The following OPCML variants were observed in gnomAD, a reference collection of about 807,000 sequenced individuals.
OPCML encodes the protein opioid-binding protein/cell adhesion molecule.
OPCML carries 13 observed loss-of-function variants against 37.8 expected under a neutral mutation model. The observed-to-expected ratio is 0.34, with a 90% CI of 0.22 to 0.55. OPCML has a LOEUF of 0.55. OPCML is among the 20% of genes least tolerant of loss of function. The pLI is 0.91. For synonymous variants in OPCML, 176 were observed against 168.8 expected (o/e 1.04, Z -0.33); for missense variants, 341 against 435.6 (o/e 0.78, Z 1.93).
At chr11:132,473,364 A>C (rs2096144137) in intron 4 of OPCML, among the ~76,000 whole-genome samples, 2 of 152,240 alleles carry the variant, frequency 1.3e-5, no homozygotes, top group South Asian at 4.1e-4. Flanking sequence ...GGAAAGACCC[A>C]ATCTGTAAGT....
chr11:132,808,137 G>A (rs1474199061), intron 2 of OPCML, among the ~76,000 whole-genome samples: 12 of 152,088 alleles, frequency 7.9e-5, no homozygotes, highest in Non-Finnish European at 1.6e-4. Context: ...TTTATACTAG[G>A]GGATGGGAAC....
chr11:132,761,707 G>T (rs1013790410), intron 2 of OPCML, among the ~76,000 whole-genome samples: 1 of 151,914 alleles, frequency 6.6e-6, no homozygotes, highest in African/African-American at 2.4e-5. Flanking sequence ...AGCAGTTCCC[G>T]TAACCTTTTA....
At chr11:132,900,818 G>T (rs1357617374) in intron 2 of OPCML, among the ~76,000 whole-genome samples, 2 of 152,030 alleles carry the variant, frequency 1.3e-5, no homozygotes, top group African/African-American at 4.8e-5. Flanking sequence ...TCTCAAATTG[G>T]CAACAGGCAG....
At chr11:132,870,421 A>G (rs1942750815) in intron 2 of OPCML, among the ~76,000 whole-genome samples, 1 of 152,208 alleles carries the variant, frequency 6.6e-6, no homozygotes, top group African/African-American at 2.4e-5. Flanking sequence ...GATGTCAATT[A>G]GTACGGCCAT....
intron 2 of OPCML, among the ~76,000 whole-genome samples, chr11:132,890,977 C>G (rs1207737554): frequency 6.6e-6 from 1 of 152,106 alleles, no homozygotes. Flanking sequence ...CATCTCCCCT[C>G]TCTATTATGA....
At chr11:133,318,853 A>C (rs1943264308) in intron 1 of OPCML, among the ~76,000 whole-genome samples, 1 of 152,046 alleles carries the variant, frequency 6.6e-6, no homozygotes, top group Non-Finnish European at 1.5e-5. Flanking sequence ...CCTGGCCAAC[A>C]TGGTGAAACC....
At chr11:133,404,289 C>G (rs1041890734) in intron 1 of OPCML, among the ~76,000 whole-genome samples, 2 of 152,222 alleles carry the variant, frequency 1.3e-5, no homozygotes, top group Non-Finnish European at 2.9e-5. Flanking sequence ...ACTTGATTAC[C>G]TCTCCCAAGA....
chr11:132,487,213 C>T (rs1011353441), intron 4 of OPCML, among the ~76,000 whole-genome samples: 2 of 152,204 alleles, frequency 1.3e-5, no homozygotes, highest in South Asian at 2.1e-4. Context: ...GACGGTTACT[C>T]AGCCCATCAT....
chr11:132,788,764 C>G (rs1285740960), intron 2 of OPCML, among the ~76,000 whole-genome samples: 2 of 152,166 alleles, frequency 1.3e-5, no homozygotes, highest in African/African-American at 4.8e-5. Context: ...GTAGCTTGCC[C>G]AAGGTTACCT....
At chr11:132,746,986 A>C (rs2136056440) in intron 2 of OPCML, among the ~76,000 whole-genome samples, 1 of 152,286 alleles carries the variant, frequency 6.6e-6, no homozygotes, top group Non-Finnish European at 1.5e-5. Flanking sequence ...GTAAAATGGT[A>C]ACAACATTAA....
chr11:133,126,070 TAC>T (rs3049587), intron 1 of OPCML, among the ~76,000 whole-genome samples: 55,925 of 148,114 alleles, frequency 0.38, 10,718 homozygotes, highest in Middle Eastern at 0.47. Context: ...ATATGTACCA[TAC>T]ACACACACAC....
At chr11:132,682,714 G>T (rs556926655) in intron 2 of OPCML, among the ~76,000 whole-genome samples, 45 of 152,326 alleles carry the variant, frequency 3.0e-4, no homozygotes, top group African/African-American at 1.1e-3. Context: ...CGAGACCTGT[G>T]TAAAGGACCC....
At chr11:133,155,465 G>A (rs571942845) in intron 1 of OPCML, among the ~76,000 whole-genome samples, 5 of 152,074 alleles carry the variant, frequency 3.3e-5, no homozygotes, top group African/African-American at 1.2e-4. Flanking sequence ...CTTGGCTTCC[G>A]TGAAACCAGC....
intron 1 of OPCML, among the ~76,000 whole-genome samples, chr11:133,073,986 A>T (rs1346769937): frequency 6.6e-6 from 1 of 152,210 alleles, no homozygotes; most frequent in East Asian, 1.9e-4. Context: ...TCCAGAACGT[A>T]TATTCTTCAA....
At position 133,264,483 on chromosome 11, in the gene OPCML, G is replaced by A. The variant is rs146069675; in HGVS notation, c.61+267781C>T. Among the ~76,000 whole-genome samples the A allele has an allele frequency of 5.1e-3, 770 of 152,300 alleles. 8 individuals are homozygous for A. The highest frequency in any genetic ancestry group is 0.018 in the African/African-American group (741 of 41,548). ...ACCCCCAACCATTTCCTTGCACCCAGCACAGACATGTGAACTCCTGGTATG... is the reference window on the plus strand; with the variant it reads ...ACCCCCAACCATTTCCTTGCACCCAACACAGACATGTGAACTCCTGGTATG... On this transcript the variant is annotated intron_variant, in intron 1 of 7. Transcript: ENST00000524381.
At chr11:133,379,968 A>G (rs540798955) in intron 1 of OPCML, among the ~76,000 whole-genome samples, 2 of 152,338 alleles carry the variant, frequency 1.3e-5, no homozygotes, top group South Asian at 4.1e-4. Context: ...TCAGTTTGGT[A>G]GCATGAATTT....
chr11:132,892,037 T>C (rs575830330), intron 2 of OPCML, among the ~76,000 whole-genome samples: 1 of 152,204 alleles, frequency 6.6e-6, no homozygotes, highest in Non-Finnish European at 1.5e-5. Flanking sequence ...TTTCCAACAG[T>C]GTTGAAGAAT....
chr11:133,077,405 G>A (rs1278131551), intron 1 of OPCML, among the ~76,000 whole-genome samples: 1 of 152,066 alleles, frequency 6.6e-6, no homozygotes, highest in African/African-American at 2.4e-5. Context: ...GTAAAATAAA[G>A]CAAGATCCCT....
chr11:133,411,748 C>A (rs201499460), intron 1 of OPCML, among the ~76,000 whole-genome samples: 1 of 152,126 alleles, frequency 6.6e-6, no homozygotes, highest in Admixed American at 6.5e-5. Flanking sequence ...GGGTGTAGCT[C>A]GAAACCTCCG....
Sources: gnomAD v4.1 joint callset for allele counts (sites outside exome capture counted in the v4.1 genomes callset) on GRCh38, gnomAD v4.1.1 for gene constraint, MANE v1.5 for transcripts, NCBI Gene and HGNC (gene_info 2026-07-23, HGNC 2026-07-21) for gene names.